Variants in PPM1E observed in about 807,000 individuals in gnomAD.
PPM1E encodes protein phosphatase 1E.
Under a neutral mutation model 65.9 loss-of-function variants are expected in PPM1E, and 20 were observed. The observed-to-expected ratio is 0.30, with a 90% confidence interval of 0.21 to 0.44. The LOEUF (loss-of-function observed/expected upper bound fraction) is 0.44. PPM1E is among the 20% of genes least tolerant of loss of function. The pLI, the probability that PPM1E is intolerant of heterozygous loss-of-function variation, is 1.00. For missense variants in PPM1E, 713 were observed against 953.1 expected (o/e 0.75, Z 3.32); for synonymous variants, 352 against 374.9 (o/e 0.94, Z 0.70).
intron 3 of PPM1E, among the ~76,000 whole-genome samples, chr17:58,969,191 C>A (rs2030440009): frequency 6.6e-6 from 1 of 152,066 alleles, no homozygotes; most frequent in Admixed American, 6.6e-5. Flanking sequence ...CCTTCTCATA[C>A]CCTCCCTATC....
At chr17:58,829,648 A>T (rs1306681537) in intron 1 of PPM1E, among the ~76,000 whole-genome samples, 1 of 152,054 alleles carries the variant, frequency 6.6e-6, no homozygotes, top group Non-Finnish European at 1.5e-5. Context: ...TTTTCATCAG[A>T]GCCTCAGTTT....
intron 1 of PPM1E, among the ~76,000 whole-genome samples, chr17:58,867,801 T>A (rs1022631068): frequency 6.6e-6 from 1 of 152,228 alleles, no homozygotes; most frequent in African/African-American, 2.4e-5. Flanking sequence ...AGAGTATGGC[T>A]ATTATATAAT....
intron 1 of PPM1E, among the ~76,000 whole-genome samples, chr17:58,773,014 A>T (rs2049956066): frequency 6.8e-6 from 1 of 147,714 alleles, no homozygotes. Context: ...TCATCATTCT[A>T]CCTGATGCCA....
At chr17:58,927,916 T>C (rs951795324) in intron 1 of PPM1E, among the ~76,000 whole-genome samples, 2 of 151,744 alleles carry the variant, frequency 1.3e-5, no homozygotes, top group Non-Finnish European at 2.9e-5. Flanking sequence ...AAAAATGAGC[T>C]GGGCGTGATG....
chr17:58,879,087 GA>G (rs1406072125), intron 1 of PPM1E, among the ~76,000 whole-genome samples: 6 of 151,874 alleles, frequency 4.0e-5, no homozygotes, highest in Non-Finnish European at 8.8e-5. Context: ...TGGCAGTTAG[GA>G]GGCATTTTAG....
intron 1 of PPM1E, among the ~76,000 whole-genome samples, chr17:58,799,325 G>A (rs939945384): frequency 5.3e-5 from 8 of 151,966 alleles, no homozygotes; most frequent in Non-Finnish European, 1.2e-4. Context: ...TGTCACCCAG[G>A]CTGGAGTGCA....
chr17:58,826,329 A>G (rs1053485610), intron 1 of PPM1E, among the ~76,000 whole-genome samples: 1 of 151,868 alleles, frequency 6.6e-6, no homozygotes, highest in African/African-American at 2.4e-5. Flanking sequence ...AAAGAAAAGA[A>G]AGAAAGCGGC....
chr17:58,962,284 CAAAA>C (rs768983417), intron 2 of PPM1E, among the ~76,000 whole-genome samples: 1 of 79,036 alleles, frequency 1.3e-5, no homozygotes. Context: ...AACTCCATCT[CAAAA>C]AAAAAAAAAA....
chr17:58,917,038 C>T (rs1405946408), intron 1 of PPM1E, among the ~76,000 whole-genome samples: 3 of 151,744 alleles, frequency 2.0e-5, no homozygotes, highest in Non-Finnish European at 4.4e-5. Flanking sequence ...GGTGAAACCC[C>T]GTCTCTACTA....
chr17:58,902,335 A>G (rs1453223784), intron 1 of PPM1E, among the ~76,000 whole-genome samples: 2 of 152,114 alleles, frequency 1.3e-5, no homozygotes, highest in South Asian at 4.1e-4. Context: ...TCGTGGGGGA[A>G]AAAATGAAGG....
chr17:58,967,183 A>T (rs1486286833), intron 3 of PPM1E, among the ~76,000 whole-genome samples: 1 of 152,174 alleles, frequency 6.6e-6, no homozygotes, highest in African/African-American at 2.4e-5. Context: ...GAACCTAATA[A>T]ATTTTCACAC....
intron 1 of PPM1E, among the ~76,000 whole-genome samples, chr17:58,907,529 A>G (rs891710729): frequency 3.3e-5 from 5 of 152,278 alleles, no homozygotes; most frequent in African/African-American, 1.2e-4. Flanking sequence ...GTTGAGTTCA[A>G]CTATGTCCTT....
chr17:58,958,330 C>A (rs953536556), intron 2 of PPM1E, among the ~76,000 whole-genome samples: 3 of 151,852 alleles, frequency 2.0e-5, no homozygotes, highest in Non-Finnish European at 4.4e-5. Context: ...CACACCTCAG[C>A]CTCATGAGTA....
At chr17:58,899,642 G>C (rs1440301946) in intron 1 of PPM1E, 2 of 216,246 alleles carry the variant, frequency 9.2e-6, no homozygotes, top group African/African-American at 4.6e-5. Context: ...CTATGGCAAA[G>C]AATCTCAAGC....
At chr17:58,935,842 T>C (rs955533713) in intron 1 of PPM1E, among the ~76,000 whole-genome samples, 30 of 151,940 alleles carry the variant, frequency 2.0e-4, no homozygotes, top group African/African-American at 7.0e-4. Flanking sequence ...TTATTATACT[T>C]TAAGTTTTAG....
At chr17:58,896,710 G>A (rs1217161175) in intron 1 of PPM1E, among the ~76,000 whole-genome samples, 2 of 152,214 alleles carry the variant, frequency 1.3e-5, no homozygotes, top group Non-Finnish European at 2.9e-5. Context: ...AAGTGCTGAG[G>A]TAGACCCTGC....
intron 1 of PPM1E, among the ~76,000 whole-genome samples, chr17:58,900,784 A>C (rs546682720): frequency 6.6e-6 from 1 of 152,186 alleles, no homozygotes; most frequent in Non-Finnish European, 1.5e-5. Flanking sequence ...TACTCTTGTT[A>C]ATGTTTTCTT....
At chr17:58,902,217 T>C (rs936638704) in intron 1 of PPM1E, among the ~76,000 whole-genome samples, 1 of 152,186 alleles carries the variant, frequency 6.6e-6, no homozygotes, top group African/African-American at 2.4e-5. Context: ...GTGCATAGTT[T>C]AATGCTGGTT....
At chr17:58,810,700 G>A (rs2050358213) in intron 1 of PPM1E, among the ~76,000 whole-genome samples, 1 of 152,168 alleles carries the variant, frequency 6.6e-6, no homozygotes, top group East Asian at 1.9e-4. Context: ...ATTCACAATA[G>A]TGACTGTGTA....
Sources: gnomAD v4.1 joint callset for allele counts (sites outside exome capture counted in the v4.1 genomes callset) on GRCh38, gnomAD v4.1.1 for gene constraint, MANE v1.5 for transcripts, NCBI Gene and HGNC (gene_info 2026-07-23, HGNC 2026-07-21) for gene names.